The following MAN2A1 variants were observed in gnomAD, a reference collection of about 807,000 sequenced individuals.
The protein encoded by MAN2A1 is alpha-mannosidase 2.
A neutral mutation model predicts 142.6 loss-of-function variants in MAN2A1; 76 were observed. That is an observed-to-expected ratio of 0.53 (90% CI 0.44 to 0.65). The LOEUF is 0.65. Ranked by LOEUF, MAN2A1 falls within the 30% of genes least tolerant of loss-of-function variation. The pLI, the probability that MAN2A1 is intolerant of heterozygous loss-of-function variation, is 0.00. For synonymous variants in MAN2A1, 559 were observed against 473.2 expected (o/e 1.18, Z -2.35); for missense variants, 1,311 against 1,365.1 (o/e 0.96, Z 0.62).
intron 16 of MAN2A1, among the ~76,000 whole-genome samples, chr5:109,831,721 C>T (rs1754911152): frequency 6.6e-6 from 1 of 152,074 alleles, no homozygotes; most frequent in African/African-American, 2.4e-5. Flanking sequence ...TATTTCTCCA[C>T]AGAATGTTAT....
intron 1 of MAN2A1, among the ~76,000 whole-genome samples, chr5:109,706,326 G>A (rs1156232444): frequency 6.6e-6 from 1 of 152,160 alleles, no homozygotes; most frequent in Non-Finnish European, 1.5e-5. Flanking sequence ...GCATATTGTA[G>A]TACCCTTCAA....
intron 1 of MAN2A1, among the ~76,000 whole-genome samples, chr5:109,711,045 C>G (rs1751287026): frequency 6.6e-6 from 1 of 152,174 alleles, no homozygotes; most frequent in South Asian, 2.1e-4. Flanking sequence ...CCAGGCTGGT[C>G]TGGAGCTCCT....
intron 12 of MAN2A1, among the ~76,000 whole-genome samples, chr5:109,804,831 C>T (rs990777832): frequency 1.3e-5 from 2 of 152,074 alleles, no homozygotes; most frequent in Non-Finnish European, 2.9e-5. Flanking sequence ...ACATCTTTGC[C>T]ATTTCTGTCC....
chr5:109,867,156 A>AT lies in MAN2A1; in HGVS notation c.*158_*159insT, dbSNP rs1755907070. On this transcript the variant is annotated 3_prime_UTR_variant, in exon 22 of 22. Transcript: ENST00000261483. ...TCTTTTTTCTTTTACCAGTACAGTA[A>AT]GAAAAAAAAAAAAAAAAAAAAAGCC... 44 of 196,820 alleles carry AT rather than the reference A, an allele frequency of 2.2e-4. No homozygotes were observed. The highest frequency in any genetic ancestry group is 6.8e-4 in the East Asian group (8 of 11,726). The allele number at this position is 196,820 out of a possible 1,614,324, so 12.2% of individuals were successfully genotyped here.
chr5:109,742,760 G>C (rs536881757), intron 4 of MAN2A1, among the ~76,000 whole-genome samples: 1 of 152,290 alleles, frequency 6.6e-6, no homozygotes, highest in East Asian at 1.9e-4. Flanking sequence ...ATTGAGTTTA[G>C]AATCTAAAGA....
chr5:109,706,870 T>C (rs981660919), intron 1 of MAN2A1, among the ~76,000 whole-genome samples: 4 of 152,188 alleles, frequency 2.6e-5, no homozygotes, highest in Non-Finnish European at 5.9e-5. Context: ...TATAAACATA[T>C]ATATCTTCTA....
intron 4 of MAN2A1, among the ~76,000 whole-genome samples, chr5:109,739,931 A>T (rs1051679123): frequency 6.6e-6 from 1 of 152,208 alleles, no homozygotes; most frequent in African/African-American, 2.4e-5. Flanking sequence ...GAGGGCTGAC[A>T]GATGGAGGGA....
chr5:109,738,194 A>G (rs888140690), intron 4 of MAN2A1, among the ~76,000 whole-genome samples: 15 of 147,342 alleles, frequency 1.0e-4, no homozygotes, highest in Non-Finnish European at 1.1e-4. Flanking sequence ...ATTTTTTGCT[A>G]CTGTTCCCCT....
rs185380982 is a variant in MAN2A1, at chr5:109,777,475, A to T, written c.1374+2510A>T. 5.3e-5 allele frequency among the ~76,000 whole-genome samples: 8 copies of T among 151,872 alleles called. No homozygotes were observed. The East Asian group carries it at 1.3e-3, about 26-fold the overall frequency. ...TACATTTTGAATTCTATCTTTTTTC[A>T]TATAAAAGTTATGCAAATGTTGTCT... On this transcript the variant is annotated intron_variant, in intron 8 of 21. Transcript: ENST00000261483.
At chr5:109,853,230 G>A (rs1020929209) in intron 19 of MAN2A1, among the ~76,000 whole-genome samples, 1 of 152,036 alleles carries the variant, frequency 6.6e-6, no homozygotes, top group Non-Finnish European at 1.5e-5. Context: ...TGGATGTCTG[G>A]GGTGGCACTT....
chr5:109,751,800 T>C (rs116787286), intron 4 of MAN2A1, among the ~76,000 whole-genome samples: 312 of 152,174 alleles, frequency 2.1e-3, no homozygotes, highest in Non-Finnish European at 3.3e-3. Context: ...ACATTTCTTA[T>C]CTCCATTTCT....
intron 21 of MAN2A1, 155 bp downstream of exon 21, chr5:109,865,301 C>T (rs1755851787): frequency 1.6e-6 from 1 of 613,370 alleles, no homozygotes. Flanking sequence ...CTGAAAAATG[C>T]ACTTTCTCAA....
intron 16 of MAN2A1, among the ~76,000 whole-genome samples, chr5:109,836,520 C>G (rs1324899987): frequency 2.0e-5 from 3 of 152,166 alleles, no homozygotes; most frequent in Non-Finnish European, 4.4e-5. Flanking sequence ...TTTCTGTTCT[C>G]TCTCTCCTGA....
intron 12 of MAN2A1, among the ~76,000 whole-genome samples, chr5:109,809,368 C>A (rs914181390): frequency 6.6e-6 from 1 of 152,042 alleles, no homozygotes. Flanking sequence ...TTTTTCCCTG[C>A]AATCTCATGT....
intron 1 of MAN2A1, among the ~76,000 whole-genome samples, chr5:109,712,518 C>A (rs1422325006): frequency 6.6e-6 from 1 of 152,130 alleles, no homozygotes; most frequent in Non-Finnish European, 1.5e-5. Context: ...CTATCCTTTT[C>A]TCTTTTCTCT....
At chr5:109,839,779 C>T (rs1403346789) in intron 16 of MAN2A1, among the ~76,000 whole-genome samples, 2 of 151,610 alleles carry the variant, frequency 1.3e-5, no homozygotes, top group African/African-American at 2.4e-5. Context: ...CAGTATATAC[C>T]GGAAAGAAAT....
intron 4 of MAN2A1, among the ~76,000 whole-genome samples, chr5:109,753,899 T>C (rs1752611565): frequency 6.6e-6 from 1 of 151,922 alleles, no homozygotes; most frequent in South Asian, 2.1e-4. Flanking sequence ...TCAATTTTTT[T>C]TTCTTTTTTC....
In MAN2A1 at chr5:109,844,994, G is replaced by C. The variant is rs200612704; in HGVS notation, c.2701-871G>C. Among the ~76,000 whole-genome samples the C allele has an allele frequency of 2.6e-5, 4 of 152,302 alleles. No individual in the cohort carries two copies. In the East Asian group the frequency reaches 7.7e-4, roughly 29 times the overall value. The stretch of plus-strand genomic sequence containing the variant: ...AGTAATTTGAGGGAGACATTGCAGG[G>C]TTGCTGGGAAGATTAAAGATCACAT... On this transcript the variant is annotated intron_variant, in intron 17 of 21. Coordinates refer to ENST00000261483, the MANE Select transcript of MAN2A1 (RefSeq NM_002372.4).
At chr5:109,794,712 T>G (rs1302010935) in intron 12 of MAN2A1, among the ~76,000 whole-genome samples, 1 of 152,188 alleles carries the variant, frequency 6.6e-6, no homozygotes, top group African/African-American at 2.4e-5. Flanking sequence ...TCCAGTCTAG[T>G]TTAGTTGTAT....
Sources: allele counts gnomAD v4.1 joint callset (sites outside exome capture counted in the v4.1 genomes callset), GRCh38; gene constraint gnomAD v4.1.1; transcripts MANE v1.5; gene names NCBI Gene and HGNC (gene_info 2026-07-23, HGNC 2026-07-21).